Variants in MEGF8 observed in about 807,000 individuals in gnomAD.
The protein encoded by MEGF8 is multiple EGF like domains 8, also known as multiple epidermal growth factor-like domains protein 8.
Under a neutral mutation model 302.9 loss-of-function variants are expected in MEGF8, and 156 were observed. The observed-to-expected ratio is 0.52, with a 90% confidence interval of 0.45 to 0.59. The LOEUF (loss-of-function observed/expected upper bound fraction) is 0.59. Ranked by LOEUF, MEGF8 falls within the 20% of genes least tolerant of loss-of-function variation. The probability of loss-of-function intolerance (pLI) is 0.00; values close to 1 mark genes in which losing one functional copy is unlikely to be tolerated. For synonymous variants in MEGF8, 1,621 were observed against 1,660.5 expected, an observed-to-expected ratio of 0.98 and a Z score of 0.58; for missense variants, 3,345 against 3,964.5, an observed-to-expected ratio of 0.84 and a Z score of 4.20.
At position 42,344,204 on chromosome 19, in the gene MEGF8, C is replaced by G; in HGVS notation, c.1788+131C>G. ...TGTTTTCATGCCGGAGATCCTCCTTCCTGATTCCTGACTGCGGAGCCCTGA... is the reference window on the plus strand; with the variant it reads ...TGTTTTCATGCCGGAGATCCTCCTTGCTGATTCCTGACTGCGGAGCCCTGA... On this transcript the variant is annotated intron_variant, in intron 10 of 41. Coordinates refer to ENST00000251268, the MANE Select transcript of MEGF8 (RefSeq NM_001271938.2). This position sits in a 1 kb window ranked among gnomAD's most constrained non-coding sequence, Gnocchi z 4.5. 1 of 1,363,320 alleles carries G rather than the reference C, an allele frequency of 7.3e-7. No homozygotes were observed. The highest frequency in any genetic ancestry group is 9.8e-7 in the Non-Finnish European group (1 of 1,020,956). The allele number at this position is 1,363,320 out of a possible 1,614,324, so 84.5% of individuals were successfully genotyped here. A position where few individuals can be genotyped will look rare whatever the true frequency, so the allele number is the denominator to read the frequency against.
Position 42,351,462 on chromosome 19 carries a change from T to C in MEGF8, c.2889T>C (p.Ser963=). 1 of 1,600,690 alleles carries C rather than the reference T, an allele frequency of 6.2e-7. No homozygotes were observed. The highest frequency in any genetic ancestry group is 1.1e-5 in the South Asian group (1 of 88,816). The change falls in exon 17 of 42, where the codon TCT becomes TCC. Residue 963 remains serine (S), a synonymous_variant. Transcript: ENST00000251268. This position sits in a 1 kb window ranked among gnomAD's most constrained non-coding sequence, Gnocchi z 5.6. ...RLTCEDCLAN[S]SQCAWCQSTH... ...CCTGTGAGGACTGCCTGGCCAACTC[T>C]AGCCAGTGCGCCTGGTGCCAGTCCA...
At chr19:42,355,440 G>A (rs754255611) in intron 23 of MEGF8, among the ~76,000 whole-genome samples, 53 of 152,096 alleles carry the variant, frequency 3.5e-4, no homozygotes, top group Admixed American at 9.8e-4. Context: ...TTTGAGGATC[G>A]CTGGGCCACC....
chr19:42,351,657 G>A lies in MEGF8; in HGVS notation c.2997G>A (p.Ser999=), dbSNP rs752338645. The change falls in exon 18 of 42, where the codon TCG becomes TCA. Residue 999 remains serine (S), a synonymous_variant. Coordinates refer to ENST00000251268, the MANE Select transcript of MEGF8 (RefSeq NM_001271938.2). This position sits in a 1 kb window ranked among gnomAD's most constrained non-coding sequence, Gnocchi z 5.6. The part of the protein sequence containing the change: ...GCRGWDDSVH[S]EPRCRSCDGF... ...CCCTGCCATCCTGCAGTGTACACTCGGAGCCACGGTGCCGGAGCTGCGATG... is the reference window on the plus strand; with the variant it reads ...CCCTGCCATCCTGCAGTGTACACTCAGAGCCACGGTGCCGGAGCTGCGATG... The A allele has an allele frequency of 5.7e-6, 9 of 1,590,038 alleles. No homozygotes were observed. Among genetic ancestry groups the A allele is most frequent in the East Asian group, 2.3e-5 (1 of 43,318 alleles).
rs1224531592 is a variant in MEGF8 at position 42,355,938 on chromosome 19, C to T, written c.4325C>T (p.Pro1442Leu). Reference protein sequence around the residue: ...LCRCPQGWAGPHCRMALCPEN... With the variant: ...LCRCPQGWAGLHCRMALCPEN... ...CGATGTCCTCAGGGCTGGGCTGGCC[C>T]ACACTGCCGCATGGCTCTGTGTCCT... The change falls in exon 24 of 42, where the codon CCA becomes CTA. Residue 1442 changes from proline to leucine, a missense_variant. Transcript: ENST00000251268. 1.9e-6 allele frequency: 3 copies of T among 1,608,876 alleles called. No homozygotes were observed. The highest frequency in any genetic ancestry group is 2.5e-6 in the Non-Finnish European group (3 of 1,178,270).
chr19:42,345,774 T>C (rs1207615036), intron 12 of MEGF8, among the ~76,000 whole-genome samples: 1 of 152,256 alleles, frequency 6.6e-6, no homozygotes, highest in Non-Finnish European at 1.5e-5. Flanking sequence ...ACGTTTTTGT[T>C]TGAACATCTG....
chr19:42,373,427 G>A (rs2039720184), intron 41 of MEGF8, among the ~76,000 whole-genome samples: 1 of 151,718 alleles, frequency 6.6e-6, no homozygotes, highest in Non-Finnish European at 1.5e-5. Context: ...TTAAGACAGG[G>A]TCTGGCTCTT....
In MEGF8 at chr19:42,377,065, G is replaced by A; in HGVS notation, c.*290G>A. The A allele has an allele frequency of 2.5e-6, 1 of 399,830 alleles. No homozygotes were observed. The allele number at this position is 399,830 out of a possible 1,614,324, so 24.8% of individuals were successfully genotyped here. A position where few individuals can be genotyped will look rare whatever the true frequency, so the allele number is the denominator to read the frequency against. ...GTGAAGGGAGACAATCAGTGCACATGCACACACCCCACACGCATACACACA... is the reference window on the plus strand; with the variant it reads ...GTGAAGGGAGACAATCAGTGCACATACACACACCCCACACGCATACACACA... On this transcript the variant is annotated 3_prime_UTR_variant, in exon 42 of 42. Coordinates refer to ENST00000251268, the MANE Select transcript of MEGF8 (RefSeq NM_001271938.2).
Position 42,353,013 on chromosome 19 carries a change from C to T in MEGF8, c.3436C>T (p.Pro1146Ser), listed in dbSNP as rs1370955813. 4.5e-6 allele frequency: 7 copies of T among 1,568,888 alleles called. No individual in the cohort carries two copies. The highest frequency in any genetic ancestry group is 5.2e-6 in the Non-Finnish European group (6 of 1,157,252). Residue 1146 changes from proline (P) to serine (S), a missense_variant, in exon 20 of 42, where the codon CCC (proline) becomes TCC (serine). Transcript: ENST00000251268. The surrounding 1 kb of genome is among the most constrained non-coding windows in gnomAD (Gnocchi z 6.1). ...TGACCTAGGCTGGACATCAGACCTGCCCCCTCCCACACCCGCCCCGGGTCC... is the reference window on the plus strand; with the variant it reads ...TGACCTAGGCTGGACATCAGACCTGTCCCCTCCCACACCCGCCCCGGGTCC... ...VCDLGWTSDL[P>S]PPTPAPGPPA... is the part of the protein sequence containing the mutation.
Position 42,376,026 on chromosome 19 carries a change from G to T in MEGF8, c.7789G>T (p.Val2597Phe). The T allele has an allele frequency of 6.2e-7, 1 of 1,605,210 alleles. No homozygotes were observed. The highest frequency in any genetic ancestry group is 1.7e-4 in the Middle Eastern group (1 of 6,040). The part of the protein sequence containing the change: ...LVVRGVRDRL[V>F]ITYPHEHHAL... Reference sequence around the variant, plus strand: ...GGTCCGCGGCGTGCGGGACCGGCTGGTCATCACCTACCCACACGAGCACCA... The same window carrying T: ...GGTCCGCGGCGTGCGGGACCGGCTGTTCATCACCTACCCACACGAGCACCA... The change falls in exon 42 of 42, where the codon GTC (valine) becomes TTC (phenylalanine). Residue 2597 changes from valine (V) to phenylalanine (F), a missense_variant. By Grantham distance (50) the Val-to-Phe change is conservative. Transcript: ENST00000251268. The surrounding 1 kb of genome is among the most constrained non-coding windows in gnomAD (Gnocchi z 8.2).
rs371757892 is a variant in MEGF8 at position 42,354,055 on chromosome 19, C to G, written c.4011+31C>G. 8 of 1,574,118 alleles carry G rather than the reference C, an allele frequency of 5.1e-6. No individual in the cohort carries two copies. The highest frequency in any genetic ancestry group is 3.5e-5 in the South Asian group (3 of 86,248). On this transcript the variant is annotated intron_variant, in intron 22 of 41. Coordinates refer to ENST00000251268, the MANE Select transcript of MEGF8 (RefSeq NM_001271938.2). This position sits in a 1 kb window ranked among gnomAD's most constrained non-coding sequence, Gnocchi z 4.3. ...CACTGAGGAAACGAGGGTTCAGGCG[C>G]ATGAGCCAGAACCGTGTCCCCTGAC...
intron 1 of MEGF8, among the ~76,000 whole-genome samples, chr19:42,328,127 G>A (rs1041881284): frequency 1.3e-5 from 2 of 152,178 alleles, no homozygotes; most frequent in Non-Finnish European, 2.9e-5. Context: ...CAACGAATGA[G>A]CCAGAGGCTG....
Position 42,325,987 on chromosome 19 carries a change from T to C in MEGF8, c.-257T>C, listed in dbSNP as rs973608453. 3 of 455,100 alleles carry C rather than the reference T, an allele frequency of 6.6e-6. No homozygotes were observed. Among genetic ancestry groups the C allele is most frequent in the Admixed American group, 8.9e-5 (2 of 22,390 alleles). The allele number at this position is 455,100 out of a possible 1,614,324, so 28.2% of individuals were successfully genotyped here. A position where few individuals can be genotyped will look rare whatever the true frequency, so the allele number is the denominator to read the frequency against. ...GTCTATAGGGGACTCCTACGGTCCC[T>C]AGGGTTCGGCCCCGTCCATAATGAC... On this transcript the variant is annotated 5_prime_UTR_variant, in exon 1 of 42. An upstream open reading frame in the 5' UTR loses its in-frame stop. Transcript: ENST00000251268.
At chr19:42,340,708 C>T (rs1162113993) in intron 8 of MEGF8, among the ~76,000 whole-genome samples, 3 of 151,866 alleles carry the variant, frequency 2.0e-5, no homozygotes, top group Non-Finnish European at 4.4e-5. Flanking sequence ...TGCTCTGTCA[C>T]CCAGGCTGGA....
Position 42,335,917 on chromosome 19 carries a change from T to C in MEGF8, c.829-14T>C. The stretch of plus-strand genomic sequence containing the variant: ...GCTGTGTCTCTACCTCTGTCTCTTT[T>C]CTCTTCCTCACAGGCTGCCCGTCAC... On this transcript the variant is annotated splice_polypyrimidine_tract_variant and intron_variant, in intron 5 of 41. Transcript: ENST00000251268. 6.9e-7 allele frequency: 1 copy of C among 1,454,366 alleles called. No individual in the cohort carries two copies. Among genetic ancestry groups the C allele is most frequent in the Non-Finnish European group, 9.1e-7 (1 of 1,104,374 alleles). The allele number at this position is 1,454,366 out of a possible 1,614,324, so 90.1% of individuals were successfully genotyped here. A position where few individuals can be genotyped will look rare whatever the true frequency, so the allele number is the denominator to read the frequency against.
In MEGF8 at chr19:42,343,589, G is replaced by C; in HGVS notation, c.1626G>C (p.Ala542=). The change falls in exon 9 of 42, where the codon GCG becomes GCC. Residue 542 remains alanine (A), a synonymous_variant. Coordinates refer to ENST00000251268, the MANE Select transcript of MEGF8 (RefSeq NM_001271938.2). ...GCCGGCCCCGTGGGGACTTGATGGC[G>C]TACAAGGTGCCCCCCTTTGTGTTCC... ...YSGRPRGDLM[A]YKVPPFVFQA... 6.2e-7 allele frequency: 1 copy of C among 1,612,492 alleles called. No individual in the cohort carries two copies. Among genetic ancestry groups the C allele is most frequent in the Non-Finnish European group, 8.5e-7 (1 of 1,179,366 alleles).
chr19:42,346,125 CT>C (rs1300976223), intron 12 of MEGF8, among the ~76,000 whole-genome samples: 1 of 152,196 alleles, frequency 6.6e-6, no homozygotes, highest in East Asian at 1.9e-4. Flanking sequence ...TGGTCTCGAT[CT>C]CCTGACCTCA....
At position 42,336,175 on chromosome 19, in the gene MEGF8, T is replaced by G; in HGVS notation, c.1073T>G (p.Leu358Arg). 6.2e-7 allele frequency: 1 copy of G among 1,610,996 alleles called. No individual in the cohort carries two copies. The highest frequency in any genetic ancestry group is 8.5e-7 in the Non-Finnish European group (1 of 1,179,862). Residue 358 changes from leucine to arginine, a missense_variant, in exon 6 of 42, where the codon CTC (leucine) becomes CGC (arginine). By Grantham distance (102) the Leu-to-Arg change is moderately radical. Transcript: ENST00000251268. The surrounding 1 kb of genome is among the most constrained non-coding windows in gnomAD (Gnocchi z 4.8). Reference protein sequence around the residue: ...YVSGGRTPHDLFSSGLFRFRL... With the variant: ...YVSGGRTPHDRFSSGLFRFRL... ...TCTGGAGGCCGCACCCCGCACGACC[T>G]CTTCTCCTCTGGCCTCTTCCGTTTC...
rs767310853 is a variant in MEGF8, at chr19:42,359,149, G to T, written c.5395G>T (p.Val1799Phe). The stretch of plus-strand genomic sequence containing the variant: ...AGCCCTGTTAGGGGACACCATGGTG[G>T]TTCTTGGGGGGCGCTCGGACCCTGA... ...ASALLGDTMV[V>F]LGGRSDPDEF... is the part of the protein sequence containing the mutation. The change falls in exon 31 of 42, where the codon GTT (valine) becomes TTT (phenylalanine). Residue 1799 changes from valine to phenylalanine, a missense_variant. Physicochemically the swap from Val to Phe is conservative, Grantham distance 50. Coordinates refer to ENST00000251268, the MANE Select transcript of MEGF8 (RefSeq NM_001271938.2). 6.3e-7 allele frequency: 1 copy of T among 1,597,116 alleles called. No homozygotes were observed. The highest frequency in any genetic ancestry group is 1.3e-5 in the African/African-American group (1 of 74,122).
At chr19:42,343,356 G>A in intron 8 of MEGF8, 121 bp from the exon 9 acceptor site, 1 of 1,114,702 alleles carries the variant, frequency 9.0e-7, no homozygotes, top group Non-Finnish European at 1.2e-6. Flanking sequence ...TCCTTGGGCA[G>A]GTGAGGTTGA....
Sources: allele counts gnomAD v4.1 joint callset (sites outside exome capture counted in the v4.1 genomes callset), GRCh38; gene constraint gnomAD v4.1.1; non-coding constraint Gnocchi (gnomAD v3.1); transcripts MANE v1.5; gene names NCBI Gene and HGNC (gene_info 2026-07-23, HGNC 2026-07-21).